Variants in NT5DC1 observed in about 807,000 individuals in gnomAD.
NT5DC1 encodes the protein 5'-nucleotidase domain containing 1.
NT5DC1 carries 42 observed loss-of-function variants against 59.4 expected under a neutral mutation model. The ratio of observed to expected loss-of-function variants is 0.71; its 90% confidence interval spans 0.55 to 0.92. The LOEUF (loss-of-function observed/expected upper bound fraction) is 0.92. Among genes scored for constraint, NT5DC1 ranks in the 40% least tolerant of loss-of-function variants. The pLI is 0.00. For missense variants in NT5DC1, 501 were observed against 537.1 expected, an observed-to-expected ratio of 0.93 and a Z score of 0.66; for synonymous variants, 172 against 188.1, an observed-to-expected ratio of 0.91 and a Z score of 0.70.
rs1778999718 is a variant in NT5DC1, at chr6:116,117,917, A to G, written c.501A>G (p.Gln167=). 6.3e-6 allele frequency: 10 copies of G among 1,575,704 alleles called. No individual in the cohort carries two copies. The highest frequency in any genetic ancestry group is 8.7e-6 in the Non-Finnish European group (10 of 1,145,102). ...GGAAGGATATAGTTGCTGCTATACA[A>G]CACAATTATAAAATGTCAGCTTTTA... ...DFWKDIVAAI[Q]HNYKMSAFKE... Residue 167 remains glutamine (Q), a synonymous_variant, in exon 6 of 12, where the codon CAA becomes CAG. Transcript: ENST00000319550.
chr6:116,117,609 A>G (rs1279047675), intron 5 of NT5DC1, among the ~76,000 whole-genome samples: 2 of 152,228 alleles, frequency 1.3e-5, no homozygotes, highest in Non-Finnish European at 2.9e-5. Context: ...AGCCTATTTT[A>G]TAATAAAGTA....
At chr6:116,227,625 C>T (rs1781935218) in intron 8 of NT5DC1, among the ~76,000 whole-genome samples, 1 of 151,846 alleles carries the variant, frequency 6.6e-6, no homozygotes, top group Admixed American at 6.6e-5. Flanking sequence ...CTCTTTAACA[C>T]TTATCTTTTG....
At position 116,106,343 on chromosome 6, in the gene NT5DC1, C is replaced by CTT. The variant is rs56295720; in HGVS notation, c.185+26_185+27dup. The CTT allele has an allele frequency of 2.1e-4, 164 of 779,374 alleles. No homozygotes were observed. The highest frequency in any genetic ancestry group is 1.2e-3 in the South Asian group (75 of 60,172). 48.3% of individuals were successfully genotyped at this position (779,374 alleles called of 1,614,324 possible). On this transcript the variant is annotated intron_variant, in intron 2 of 11. Transcript: ENST00000319550. ...AGAGGATTGGGATTTCTGGTAAGTT[C>CTT]TTTTTTTTTTTTTTTTTTTAAGTCT...
At chr6:116,166,449 A>C (rs1050069060) in intron 6 of NT5DC1, among the ~76,000 whole-genome samples, 1 of 152,202 alleles carries the variant, frequency 6.6e-6, no homozygotes, top group Admixed American at 6.5e-5. Context: ...AGAAATCACA[A>C]TGGAAGAAGG....
At chr6:116,223,201 T>G in intron 8 of NT5DC1, 70 bp downstream of exon 8, 1 of 732,208 alleles carries the variant, frequency 1.4e-6, no homozygotes, top group Non-Finnish European at 2.4e-6. Flanking sequence ...AACACTGTGT[T>G]GCATGCAATG....
chr6:116,188,238 G>A (rs1781043487), intron 6 of NT5DC1, among the ~76,000 whole-genome samples: 1 of 152,018 alleles, frequency 6.6e-6, no homozygotes, highest in South Asian at 2.1e-4. Flanking sequence ...TTAAACTGCT[G>A]GTGGGAGTGT....
At chr6:116,190,226 A>G (rs1781086630) in intron 6 of NT5DC1, among the ~76,000 whole-genome samples, 2 of 151,986 alleles carry the variant, frequency 1.3e-5, no homozygotes, top group Non-Finnish European at 2.9e-5. Context: ...GAAAGTCAGC[A>G]TTCCCTGAGC....
rs748207317 is a variant in NT5DC1, at chr6:116,115,766, C to G, written c.440C>G (p.Thr147Arg). Residue 147 changes from threonine to arginine, a missense_variant, in exon 5 of 12, where the codon ACA (threonine) becomes AGA (arginine). Transcript: ENST00000319550. ...LLCARVVDYL[T>R]KLNNGQKTFD... is the part of the protein sequence containing the mutation. ...TGTGCCAGGGTGGTGGACTATTTAA[C>G]AAAAGTAAGTGGGGACTCATTTTTT... The G allele has an allele frequency of 6.5e-7, 1 of 1,549,032 alleles. No individual in the cohort carries two copies. Among genetic ancestry groups the G allele is most frequent in the South Asian group, 1.1e-5 (1 of 89,620 alleles).
At chr6:116,150,742 C>A (rs1780019039) in intron 6 of NT5DC1, among the ~76,000 whole-genome samples, 1 of 152,090 alleles carries the variant, frequency 6.6e-6, no homozygotes, top group Non-Finnish European at 1.5e-5. Flanking sequence ...GCTATTATTG[C>A]TGTCTGTCAT....
intron 2 of NT5DC1, among the ~76,000 whole-genome samples, chr6:116,106,908 G>C (rs1251024913): frequency 6.6e-6 from 1 of 152,012 alleles, no homozygotes; most frequent in East Asian, 1.9e-4. Context: ...TTAAAATCAG[G>C]CCAGGCAGGC....
chr6:116,114,708 C>G (rs1483645828), intron 4 of NT5DC1, among the ~76,000 whole-genome samples: 3 of 151,960 alleles, frequency 2.0e-5, no homozygotes, highest in African/African-American at 7.3e-5. Flanking sequence ...ACTCCTGATC[C>G]CAGTAGTCAG....
At position 116,156,484 on chromosome 6, in the gene NT5DC1, A is replaced by G. The variant is rs184764348; in HGVS notation, c.529+38539A>G. 6.0e-4 allele frequency among the ~76,000 whole-genome samples: 92 copies of G among 152,328 alleles called. 2 individuals are homozygous for G. In the East Asian group the frequency reaches 8.3e-3, roughly 14 times the overall value. On this transcript the variant is annotated intron_variant, in intron 6 of 11. Coordinates refer to ENST00000319550, the MANE Select transcript of NT5DC1 (RefSeq NM_152729.3). Reference sequence around the variant, plus strand: ...CATAAGGGATTACTATGCTGTGTATAGTGCAAAGTAAAAAGGAATGCGTCT... The same window carrying G: ...CATAAGGGATTACTATGCTGTGTATGGTGCAAAGTAAAAAGGAATGCGTCT...
intron 6 of NT5DC1, among the ~76,000 whole-genome samples, chr6:116,217,616 G>T (rs1469886421): frequency 1.3e-5 from 2 of 151,956 alleles, no homozygotes; most frequent in Admixed American, 6.6e-5. Context: ...AATCATACAT[G>T]AATAATATTA....
intron 1 of NT5DC1, among the ~76,000 whole-genome samples, chr6:116,103,393 G>A (rs1031104566): frequency 1.1e-4 from 16 of 152,064 alleles, no homozygotes; most frequent in Admixed American, 2.6e-4. Context: ...CAGAAGGAAA[G>A]TGTATCCAGG....
At chr6:116,105,532 A>G (rs1778751324) in intron 1 of NT5DC1, among the ~76,000 whole-genome samples, 1 of 152,096 alleles carries the variant, frequency 6.6e-6, no homozygotes, top group Admixed American at 6.6e-5. Context: ...TGGACCATCT[A>G]CCTTTTGTGC....
intron 5 of NT5DC1, among the ~76,000 whole-genome samples, 195 bp downstream of exon 5, chr6:116,115,965 T>TC (rs1491335007): frequency 1.3e-5 from 2 of 152,014 alleles, no homozygotes; most frequent in African/African-American, 4.8e-5. Flanking sequence ...CTTTTTTTTT[T>TC]CTCTCAGGAA....
chr6:116,184,244 T>C (rs948813060), intron 6 of NT5DC1, among the ~76,000 whole-genome samples: 6 of 152,122 alleles, frequency 3.9e-5, no homozygotes, highest in African/African-American at 9.6e-5. Context: ...GTCCCTCATA[T>C]GAAACCCACT....
intron 6 of NT5DC1, among the ~76,000 whole-genome samples, chr6:116,192,613 G>C (rs1192240648): frequency 6.6e-6 from 1 of 151,938 alleles, no homozygotes; most frequent in African/African-American, 2.4e-5. Flanking sequence ...GTACATTAAG[G>C]AATGTTTACT....
At position 116,249,475 on chromosome 6, in the gene NT5DC1, G is replaced by C. The variant is rs914829887; in HGVS notation, c.*5451G>C. Reference sequence around the variant, plus strand: ...CTATACAGCAAAACTATCATTACCGGTAATTAAAGTTGTGATACCTGATAT... The same window carrying C: ...CTATACAGCAAAACTATCATTACCGCTAATTAAAGTTGTGATACCTGATAT... On this transcript the variant is annotated 3_prime_UTR_variant, in exon 12 of 12. Transcript: ENST00000319550. The C allele has an allele frequency of 6.6e-6, 1 of 152,146 alleles. No individual in the cohort carries two copies. Among genetic ancestry groups the C allele is most frequent in the Non-Finnish European group, 1.5e-5 (1 of 68,018 alleles). The allele number at this position is 152,146 out of a possible 1,614,324, so 9.4% of individuals were successfully genotyped here.
Sources: gnomAD v4.1 joint callset for allele counts (sites outside exome capture counted in the v4.1 genomes callset) on GRCh38, gnomAD v4.1.1 for gene constraint, MANE v1.5 for transcripts, NCBI Gene and HGNC (gene_info 2026-07-23, HGNC 2026-07-21) for gene names.